SEMA4B: variants seen among roughly 807,000 people sequenced by gnomAD.
The protein encoded by SEMA4B is semaphorin-4B.
Under a neutral mutation model 88.1 loss-of-function variants are expected in SEMA4B, and 55 were observed. That is an observed-to-expected ratio of 0.62 (90% CI 0.50 to 0.78). SEMA4B has a LOEUF of 0.78. SEMA4B is among the 30% of genes least tolerant of loss of function. The pLI is 0.00. For synonymous variants in SEMA4B, 525 were observed against 473.6 expected (o/e 1.11, Z -1.41); for missense variants, 1,062 against 1,111.9 (o/e 0.96, Z 0.64).
upstream of SEMA4B, among the ~76,000 whole-genome samples, chr15:90,200,085 AATC>A (rs1461153274): frequency 4.6e-5 from 7 of 152,186 alleles, no homozygotes. Flanking sequence ...GAGGTACAGA[AATC>A]ATGCAGCATG....
In SEMA4B at chr15:90,201,707, G is replaced by A; in HGVS notation, c.129G>A (p.Ala43=). 2 of 1,496,588 alleles carry A rather than the reference G, an allele frequency of 1.3e-6. No homozygotes were observed. The highest frequency in any genetic ancestry group is 8.9e-7 in the Non-Finnish European group (1 of 1,128,702). The allele number at this position is 1,496,588 out of a possible 1,614,324, so 92.7% of individuals were successfully genotyped here. Residue 43 remains alanine (A), a synonymous_variant, in exon 1 of 14, where the codon GCG becomes GCA. Coordinates refer to ENST00000411539, the MANE Select transcript of SEMA4B (RefSeq NM_198925.4). The part of the protein sequence containing the change: ...LLLQPPPPTW[A]LSPRISLPLG... ...TGCAGCCGCCGCCTCCGACCTGGGCGCTCAGCCCCCGGATCAGCCTGCCTC... is the reference window on the plus strand; with the variant it reads ...TGCAGCCGCCGCCTCCGACCTGGGCACTCAGCCCCCGGATCAGCCTGCCTC...
intron 1 of SEMA4B, among the ~76,000 whole-genome samples, chr15:90,209,684 G>A (rs1415349422): frequency 1.3e-5 from 2 of 152,194 alleles, no homozygotes; most frequent in African/African-American, 4.8e-5. Flanking sequence ...AGGAAATGAT[G>A]GGCATACGGA....
At position 90,212,913 on chromosome 15, in the gene SEMA4B, C is replaced by A. The variant is rs1476510159; in HGVS notation, c.158-4526C>A. The stretch of plus-strand genomic sequence containing the variant: ...TCGCCCAGGCTAAGTTCGTGAACCC[C>A]CTGGATGAGGGAGGCCCGACTCCCG... On this transcript the variant is annotated intron_variant, in intron 1 of 13. Coordinates refer to ENST00000411539, the MANE Select transcript of SEMA4B (RefSeq NM_198925.4). The surrounding 1 kb of genome is among the most constrained non-coding windows in gnomAD (Gnocchi z 4.0). 6.6e-6 allele frequency among the ~76,000 whole-genome samples: 1 copy of A among 152,194 alleles called. No individual in the cohort carries two copies. Among genetic ancestry groups the A allele is most frequent in the African/African-American group, 2.4e-5 (1 of 41,440 alleles).
intron 1 of SEMA4B, chr15:90,206,694 T>C (rs1961006940): frequency 1.4e-6 from 1 of 722,950 alleles, no homozygotes. Context: ...ACCAAAGCCT[T>C]AGACAAGCGC....
In SEMA4B at chr15:90,212,627, G is replaced by A. The variant is rs1275503327; in HGVS notation, c.158-4812G>A. Among the ~76,000 whole-genome samples, 1 of 144,890 alleles carries A rather than the reference G, an allele frequency of 6.9e-6. No individual in the cohort carries two copies. Among genetic ancestry groups the A allele is most frequent in the African/African-American group, 2.5e-5 (1 of 39,678 alleles). ...GGAGTGAGTGCGCAAGCGTGGACAA[G>A]CCCTGCGGTACCGTGTACACACACA... On this transcript the variant is annotated intron_variant, in intron 1 of 13. Coordinates refer to ENST00000411539, the MANE Select transcript of SEMA4B (RefSeq NM_198925.4). This position sits in a 1 kb window ranked among gnomAD's most constrained non-coding sequence, Gnocchi z 4.0.
In SEMA4B at chr15:90,217,765, A is replaced by G; in HGVS notation, c.322-2A>G. ...ACTACCTTCCCCTTTCTCATTCCCC[A>G]GCTGCTTTGGGGTGCAGACGCAGAG... On this transcript the variant is annotated splice_acceptor_variant, in intron 2 of 13. Coordinates refer to ENST00000411539, the MANE Select transcript of SEMA4B (RefSeq NM_198925.4). LOFTEE classifies it high-confidence loss of function. The G allele has an allele frequency of 1.2e-6, 2 of 1,613,474 alleles. No homozygotes were observed. Among genetic ancestry groups the G allele is most frequent in the Non-Finnish European group, 1.7e-6 (2 of 1,179,620 alleles).
chr15:90,200,712 A>G (rs541519327), upstream of SEMA4B, among the ~76,000 whole-genome samples: 5 of 152,236 alleles, frequency 3.3e-5, no homozygotes, highest in East Asian at 7.7e-4. Context: ...ATTAAATCCT[A>G]TTATCCCACT....
At position 90,212,927 on chromosome 15, in the gene SEMA4B, G is replaced by A. The variant is rs528566743; in HGVS notation, c.158-4512G>A. Among the ~76,000 whole-genome samples, 2 of 152,284 alleles carry A rather than the reference G, an allele frequency of 1.3e-5. No individual in the cohort carries two copies. The highest frequency in any genetic ancestry group is 3.9e-4 in the East Asian group (2 of 5,188). On this transcript the variant is annotated intron_variant, in intron 1 of 13. Coordinates refer to ENST00000411539, the MANE Select transcript of SEMA4B (RefSeq NM_198925.4). The surrounding 1 kb of genome is among the most constrained non-coding windows in gnomAD (Gnocchi z 4.0). The stretch of plus-strand genomic sequence containing the variant: ...TTCGTGAACCCCCTGGATGAGGGAG[G>A]CCCGACTCCCGCAAGGAGCCCTGCC...
intron 3 of SEMA4B, chr15:90,218,063 G>T (rs1263982148): frequency 2.0e-6 from 1 of 493,440 alleles, no homozygotes. Context: ...GTAAAATGGG[G>T]ATAATGATCC....
In SEMA4B at chr15:90,221,347, T is replaced by C. The variant is rs1961826704; in HGVS notation, c.596-20T>C. 1 of 1,532,328 alleles carries C rather than the reference T, an allele frequency of 6.5e-7. No individual in the cohort carries two copies. The highest frequency in any genetic ancestry group is 8.8e-7 in the Non-Finnish European group (1 of 1,133,432). The allele number at this position is 1,532,328 out of a possible 1,614,324, so 94.9% of individuals were successfully genotyped here. A position where few individuals can be genotyped will look rare whatever the true frequency, so the allele number is the denominator to read the frequency against. On this transcript the variant is annotated intron_variant, in intron 5 of 13. Transcript: ENST00000411539. ...GGCCGTGCTGAGGAGCCCATTCCCA[T>C]GGGAATGTTTTCTTGGCAGATGGCG...
chr15:90,197,745 C>T (rs1257662249), upstream of SEMA4B, among the ~76,000 whole-genome samples: 2 of 150,218 alleles, frequency 1.3e-5, no homozygotes, highest in South Asian at 4.2e-4. Context: ...CCCTGCTCAC[C>T]CAATATTTTT....
intron 1 of SEMA4B, among the ~76,000 whole-genome samples, chr15:90,213,617 C>T (rs1427672173): frequency 6.6e-6 from 1 of 152,214 alleles, no homozygotes; most frequent in African/African-American, 2.4e-5. Flanking sequence ...TGAGTTGCCA[C>T]CTGGGACTGA....
chr15:90,194,063 G>A (rs1960426461), intron 1 of SEMA4B, among the ~76,000 whole-genome samples: 1 of 151,870 alleles, frequency 6.6e-6, no homozygotes, highest in Non-Finnish European at 1.5e-5. Context: ...TGTTGGCCAG[G>A]CTGGTTTCGA....
chr15:90,208,700 A>G (rs2046982107), intron 1 of SEMA4B, among the ~76,000 whole-genome samples: 1 of 151,118 alleles, frequency 6.6e-6, no homozygotes, highest in South Asian at 2.1e-4. Flanking sequence ...TCCCTACCAT[A>G]CTTTCAGCTG....
At chr15:90,221,983 A>C (rs1961878194) in intron 7 of SEMA4B, among the ~76,000 whole-genome samples, 1 of 150,172 alleles carries the variant, frequency 6.7e-6, no homozygotes, top group Admixed American at 6.6e-5. Context: ...TCTGTCACCC[A>C]GGCTGGAGTG....
chr15:90,213,869 C>T (rs886176994), intron 1 of SEMA4B, among the ~76,000 whole-genome samples: 4 of 152,236 alleles, frequency 2.6e-5, no homozygotes, highest in African/African-American at 9.6e-5. Context: ...CTTTATATGT[C>T]TCATTCCTCC....
chr15:90,200,947 G>A (rs1381257155), upstream of SEMA4B, among the ~76,000 whole-genome samples: 1 of 152,228 alleles, frequency 6.6e-6, no homozygotes, highest in Non-Finnish European at 1.5e-5. Context: ...GGGTCGCCAG[G>A]AGCAAGAGCG....
chr15:90,215,221 T>G (rs1273298679), intron 1 of SEMA4B, among the ~76,000 whole-genome samples: 6 of 90,708 alleles, frequency 6.6e-5, no homozygotes, highest in African/African-American at 6.9e-5. Context: ...TGTGTGTGTT[T>G]CTTTTTTTTT....
At chr15:90,196,497 C>T (rs1341650669), upstream of SEMA4B, among the ~76,000 whole-genome samples, 8 of 151,152 alleles carry the variant, frequency 5.3e-5, no homozygotes, top group Admixed American at 3.3e-4. Context: ...ATTTCTTCTA[C>T]TTTTTTTTTG....
Sources: allele counts gnomAD v4.1 joint callset (sites outside exome capture counted in the v4.1 genomes callset), GRCh38; gene constraint gnomAD v4.1.1; non-coding constraint Gnocchi (gnomAD v3.1); transcripts MANE v1.5; gene names NCBI Gene and HGNC (gene_info 2026-07-23, HGNC 2026-07-21).